The following ADAMTSL3 variants were observed in gnomAD, a reference collection of about 807,000 sequenced individuals.
The protein encoded by ADAMTSL3 is ADAMTS like 3.
A neutral mutation model predicts 201.7 loss-of-function variants in ADAMTSL3; 128 were observed. That is an observed-to-expected ratio of 0.63 (90% confidence interval 0.55 to 0.73). ADAMTSL3 has a LOEUF of 0.73. Ranked by LOEUF, ADAMTSL3 falls within the 30% of genes least tolerant of loss-of-function variation. The probability of loss-of-function intolerance (pLI) is 0.00; values close to 1 mark genes in which losing one functional copy is unlikely to be tolerated. For synonymous variants in ADAMTSL3, 738 were observed against 748.4 expected (o/e 0.99, Z 0.23); for missense variants, 1,990 against 2,119.6 (o/e 0.94, Z 1.20).
chr15:83,905,483 G>A (rs1347594469), intron 15 of ADAMTSL3, among the ~76,000 whole-genome samples: 2 of 152,120 alleles, frequency 1.3e-5, no homozygotes, highest in South Asian at 2.1e-4. Context: ...GGATGGGCCC[G>A]GGGAGCAGTA....
chr15:83,870,788 T>G lies in ADAMTSL3; in HGVS notation c.803-14T>G. The G allele has an allele frequency of 6.4e-7, 1 of 1,552,172 alleles. No individual in the cohort carries two copies. Among genetic ancestry groups the G allele is most frequent in the Non-Finnish European group, 8.7e-7 (1 of 1,149,204 alleles). ...AAGATTGTTTCTTATTTGAATCATATATTTTAATTTTAGTTATTGAATCAA... is the reference window on the plus strand; with the variant it reads ...AAGATTGTTTCTTATTTGAATCATAGATTTTAATTTTAGTTATTGAATCAA... On this transcript the variant is annotated splice_polypyrimidine_tract_variant and intron_variant, in intron 8 of 29. Transcript: ENST00000286744.
intron 25 of ADAMTSL3, among the ~76,000 whole-genome samples, chr15:84,019,076 TACACACACACAC>T (rs71453219): frequency 1.4e-5 from 2 of 139,150 alleles, no homozygotes; most frequent in Non-Finnish European, 3.1e-5. Context: ...CACACACACA[TACACACACACAC>T]ACACACACAC....
chr15:83,834,963 T>G (rs560612671), intron 6 of ADAMTSL3, among the ~76,000 whole-genome samples: 1 of 152,154 alleles, frequency 6.6e-6, no homozygotes, highest in Non-Finnish European at 1.5e-5. Flanking sequence ...GGCCGGGCGC[T>G]GTGGTTCACG....
chr15:83,980,474 A>G (rs1487450275), intron 20 of ADAMTSL3, among the ~76,000 whole-genome samples: 1 of 152,198 alleles, frequency 6.6e-6, no homozygotes, highest in Non-Finnish European at 1.5e-5. Context: ...TGAACAGTAG[A>G]AAGTTCAAAA....
chr15:83,700,824 A>T (rs2061765343), intron 2 of ADAMTSL3, among the ~76,000 whole-genome samples: 1 of 152,220 alleles, frequency 6.6e-6, no homozygotes, highest in South Asian at 2.1e-4. Context: ...AATTAGCAAT[A>T]GTGGTGCTAA....
At chr15:83,963,313 T>A (rs1232030974) in intron 19 of ADAMTSL3, among the ~76,000 whole-genome samples, 1 of 152,134 alleles carries the variant, frequency 6.6e-6, no homozygotes, top group Admixed American at 6.5e-5. Context: ...ATGCTCCAGC[T>A]TGGTGGGGGA....
chr15:83,832,796 G>C (rs575246599), intron 6 of ADAMTSL3, among the ~76,000 whole-genome samples: 1 of 152,194 alleles, frequency 6.6e-6, no homozygotes, highest in East Asian at 1.9e-4. Context: ...AGTGCTCTTG[G>C]GAACAACTTT....
chr15:83,896,381 A>T (rs1225512326), intron 13 of ADAMTSL3, among the ~76,000 whole-genome samples: 1 of 152,232 alleles, frequency 6.6e-6, no homozygotes. Context: ...AATATTGAGT[A>T]TTGAAGAGAA....
intron 3 of ADAMTSL3, among the ~76,000 whole-genome samples, chr15:83,754,828 A>G (rs2062693191): frequency 6.6e-6 from 1 of 152,234 alleles, no homozygotes; most frequent in Admixed American, 6.5e-5. Context: ...AGAATAAATT[A>G]TTTCCTTAAA....
intron 4 of ADAMTSL3, among the ~76,000 whole-genome samples, chr15:83,782,512 G>A (rs1200693525): frequency 6.6e-6 from 1 of 152,102 alleles, no homozygotes; most frequent in African/African-American, 2.4e-5. Context: ...TAAAGAAAAT[G>A]TGGTACATAT....
At chr15:83,938,787 T>C (rs774371376) in intron 17 of ADAMTSL3, among the ~76,000 whole-genome samples, 11 of 152,230 alleles carry the variant, frequency 7.2e-5, no homozygotes, top group Non-Finnish European at 1.5e-4. Flanking sequence ...TGTGTTTACA[T>C]TGATTTCTGG....
intron 16 of ADAMTSL3, among the ~76,000 whole-genome samples, chr15:83,913,620 T>C (rs1415480931): frequency 6.6e-6 from 1 of 152,174 alleles, no homozygotes; most frequent in East Asian, 1.9e-4. Context: ...CCTGAGAATC[T>C]GCATGACTGA....
rs368737438 is a variant in ADAMTSL3 at position 83,663,597 on chromosome 15, C to T, written c.69+7767C>T. Among the ~76,000 whole-genome samples the T allele has an allele frequency of 7.2e-4, 110 of 152,294 alleles. 4 individuals carry two copies. The South Asian group carries it at 0.019, about 27-fold the overall frequency. On this transcript the variant is annotated intron_variant, in intron 2 of 29. Transcript: ENST00000286744. ...ACTTGATACACATTGTGGCCTTCCT[C>T]CTTTCACCCTGTTTCAGTTCTGTGT... is the stretch of plus-strand genomic sequence containing the variant.
chr15:83,672,202 T>C (rs141449571), intron 2 of ADAMTSL3, among the ~76,000 whole-genome samples: 4 of 152,250 alleles, frequency 2.6e-5, no homozygotes, highest in Non-Finnish European at 5.9e-5. Context: ...CATTTAGGAG[T>C]ACATTTTAAG....
At chr15:83,908,664 C>T (rs1210425246) in intron 15 of ADAMTSL3, among the ~76,000 whole-genome samples, 1 of 152,144 alleles carries the variant, frequency 6.6e-6, no homozygotes, top group Non-Finnish European at 1.5e-5. Flanking sequence ...CTATAGGAGA[C>T]TTGCTTTTTG....
intron 2 of ADAMTSL3, among the ~76,000 whole-genome samples, chr15:83,693,634 ACT>A (rs749223444): frequency 1.3e-5 from 2 of 152,110 alleles, no homozygotes; most frequent in East Asian, 3.9e-4. Context: ...TGCCCTGAAC[ACT>A]CTATTTAAAG....
Position 83,820,041 on chromosome 15 carries a change from C to T in ADAMTSL3, c.594C>T (p.Ile198=), listed in dbSNP as rs764186257. The change falls in exon 6 of 30, where the codon ATC becomes ATT. Residue 198 remains isoleucine (I), a synonymous_variant. Transcript: ENST00000286744. ...CCTTGGACATGTGTATCAGTGGCAT[C>T]TGTCAGGTAAGCACACTTACCTCCC... ...TDSLDMCISG[I]CQAVGCDRQL... The T allele has an allele frequency of 5.0e-6, 8 of 1,613,636 alleles. No homozygotes were observed. Among genetic ancestry groups the T allele is most frequent in the Non-Finnish European group, 6.8e-6 (8 of 1,179,694 alleles).
intron 4 of ADAMTSL3, among the ~76,000 whole-genome samples, chr15:83,777,848 C>T (rs1181576821): frequency 2.0e-5 from 3 of 152,088 alleles, no homozygotes; most frequent in African/African-American, 4.8e-5. Flanking sequence ...TATGTTGAAA[C>T]CCAGTCCAAG....
intron 2 of ADAMTSL3, among the ~76,000 whole-genome samples, chr15:83,702,422 G>A (rs1002148121): frequency 6.6e-6 from 1 of 152,230 alleles, no homozygotes; most frequent in African/African-American, 2.4e-5. Flanking sequence ...TCCAGGGCAT[G>A]TCAGAGACCT....
Sources: allele counts gnomAD v4.1 joint callset (sites outside exome capture counted in the v4.1 genomes callset), GRCh38; gene constraint gnomAD v4.1.1; transcripts MANE v1.5; gene names NCBI Gene and HGNC (gene_info 2026-07-23, HGNC 2026-07-21).